The following UNC5A variants were observed in gnomAD, a reference collection of about 807,000 sequenced individuals.
UNC5A encodes the protein unc-5 netrin receptor A, also known as netrin receptor UNC5A.
A neutral mutation model predicts 87.4 loss-of-function variants in UNC5A; 20 were observed. The ratio of observed to expected loss-of-function variants is 0.23; its 90% CI spans 0.16 to 0.33. The LOEUF (loss-of-function observed/expected upper bound fraction) is 0.33, where lower values mean the gene tolerates loss of function less well. Ranked by LOEUF, UNC5A falls within the 10% of genes least tolerant of loss-of-function variation. The probability of loss-of-function intolerance (pLI) is 1.00; values close to 1 mark genes in which losing one functional copy is unlikely to be tolerated. For missense variants in UNC5A, 844 were observed against 1,133.4 expected (o/e 0.74, Z 3.67); for synonymous variants, 438 against 482.3 (o/e 0.91, Z 1.20).
rs962427624 is a variant in UNC5A, at chr5:176,848,089, G to C, written c.71-14535G>C. ...CCAGCAGCCCCTCCAGGCCCCTACT[G>C]ACCAGCTGACCAGCAGCCCCCACGC... On this transcript the variant is annotated intron_variant, in intron 1 of 14. Transcript: ENST00000329542. This position sits in a 1 kb window ranked among gnomAD's most constrained non-coding sequence, Gnocchi z 5.8. Among the ~76,000 whole-genome samples the C allele has an allele frequency of 9.2e-5, 14 of 152,006 alleles. No homozygotes were observed. Among genetic ancestry groups the C allele is most frequent in the Non-Finnish European group, 2.1e-4 (14 of 67,972 alleles).
In UNC5A at chr5:176,878,092, G is replaced by A. The variant is rs1758310129; in HGVS notation, c.1834G>A (p.Val612Ile). 1.2e-6 allele frequency: 2 copies of A among 1,609,602 alleles called. No individual in the cohort carries two copies. The highest frequency in any genetic ancestry group is 1.7e-6 in the Non-Finnish European group (2 of 1,179,926). Reference protein sequence around the residue: ...ACTSLEYNIRVYCLHDTHDAL... With the variant: ...ACTSLEYNIRIYCLHDTHDAL... ...CACCTCCCTCGAGTACAACATCCGG[G>A]TCTACTGCCTGCATGACACCCACGA... is the stretch of plus-strand genomic sequence containing the variant. Residue 612 changes from valine (V) to isoleucine (I), a missense_variant, in exon 11 of 15, where the codon GTC becomes ATC. This residue lies in a region of UNC5A where 353 missense variants were observed against 387.5 expected (regional missense o/e 0.91). Coordinates refer to ENST00000329542, the MANE Select transcript of UNC5A (RefSeq NM_133369.3).
intron 1 of UNC5A, among the ~76,000 whole-genome samples, chr5:176,834,700 T>TCTCTCTCTCTCTCTCTCTCTCTCTCC (rs1757108845): frequency 6.6e-6 from 1 of 150,676 alleles, no homozygotes; most frequent in African/African-American, 2.5e-5. Flanking sequence ...TCTCTCTCTC[T>TCTCTCTCTCTCTCTCTCTCTCTCTCC]CTCTGTCTCT....
At chr5:176,834,924 G>C (rs944113699) in intron 1 of UNC5A, among the ~76,000 whole-genome samples, 1 of 152,206 alleles carries the variant, frequency 6.6e-6, no homozygotes, top group Non-Finnish European at 1.5e-5. Context: ...GGCTCCTGCA[G>C]GGACCAGCCT....
chr5:176,818,544 G>A (rs1210166376), intron 1 of UNC5A, among the ~76,000 whole-genome samples: 3 of 152,200 alleles, frequency 2.0e-5, no homozygotes, highest in Non-Finnish European at 4.4e-5. Context: ...CCTACAGGTG[G>A]GTGAGGTTAG....
At chr5:176,872,211 A>C (rs1265922405) in intron 6 of UNC5A, among the ~76,000 whole-genome samples, 5 of 31,220 alleles carry the variant, frequency 1.6e-4, no homozygotes, top group Admixed American at 8.2e-4. Context: ...GCCCACACTC[A>C]CCAACACCAC....
chr5:176,848,716 G>A lies in UNC5A; in HGVS notation c.71-13908G>A, dbSNP rs58900078. On this transcript the variant is annotated intron_variant, in intron 1 of 14. Coordinates refer to ENST00000329542, the MANE Select transcript of UNC5A (RefSeq NM_133369.3). The surrounding 1 kb of genome is among the most constrained non-coding windows in gnomAD (Gnocchi z 5.8). ...TGGAGTCCCCCACCTGGACTCGCCT[G>A]TGCCGCTGGTTGCAGGAGGCTTCAG... Among the ~76,000 whole-genome samples, 11,184 of 152,208 alleles carry A rather than the reference G, an allele frequency of 0.073. 996 individuals carry two copies. The highest frequency in any genetic ancestry group is 0.21 in the African/African-American group (8,807 of 41,488).
intron 1 of UNC5A, among the ~76,000 whole-genome samples, chr5:176,822,146 A>G (rs1429276545): frequency 1.3e-5 from 2 of 152,270 alleles, no homozygotes; most frequent in Non-Finnish European, 1.5e-5. Context: ...GCAAGGATTA[A>G]ACGAGTCATT....
chr5:176,863,089 G>C (rs1191373444), intron 2 of UNC5A, among the ~76,000 whole-genome samples: 1 of 152,260 alleles, frequency 6.6e-6, no homozygotes, highest in African/African-American at 2.4e-5. Flanking sequence ...CGATCAGTCA[G>C]GCATTCACTC....
chr5:176,821,217 G>A (rs1016114830), intron 1 of UNC5A, among the ~76,000 whole-genome samples: 5 of 152,202 alleles, frequency 3.3e-5, no homozygotes, highest in East Asian at 3.8e-4. Context: ...GCTTCCGAGC[G>A]TGGTTCCTCC....
At chr5:176,820,525 C>T (rs536614920) in intron 1 of UNC5A, among the ~76,000 whole-genome samples, 48 of 152,330 alleles carry the variant, frequency 3.2e-4, no homozygotes, top group African/African-American at 1.0e-3. Flanking sequence ...ATATGTTATC[C>T]GGTGCCTGGC....
intron 1 of UNC5A, among the ~76,000 whole-genome samples, chr5:176,830,070 T>G (rs1420322799): frequency 6.6e-6 from 1 of 152,102 alleles, no homozygotes; most frequent in Non-Finnish European, 1.5e-5. Flanking sequence ...AGATGGGGTT[T>G]TGCCATGTTG....
Position 176,865,996 on chromosome 5 carries a change from G to A in UNC5A, c.293-2134G>A, listed in dbSNP as rs1211197680. Among the ~76,000 whole-genome samples, 1 of 152,228 alleles carries A rather than the reference G, an allele frequency of 6.6e-6. No homozygotes were observed. The highest frequency in any genetic ancestry group is 1.5e-5 in the Non-Finnish European group (1 of 68,042). On this transcript the variant is annotated intron_variant, in intron 2 of 14. Transcript: ENST00000329542. The surrounding 1 kb of genome is among the most constrained non-coding windows in gnomAD (Gnocchi z 5.3). ...TGTTAAACAAACTGATTGGTTATTAGATTGTTTAGAAGCAGATTGCTGAGA... is the reference window on the plus strand; with the variant it reads ...TGTTAAACAAACTGATTGGTTATTAAATTGTTTAGAAGCAGATTGCTGAGA...
intron 1 of UNC5A, among the ~76,000 whole-genome samples, chr5:176,860,990 G>C (rs968204726): frequency 6.6e-6 from 1 of 152,112 alleles, no homozygotes; most frequent in East Asian, 1.9e-4. Context: ...CAAACTGTCC[G>C]GCTATGTCCC....
At chr5:176,847,679 A>G (rs1757445116) in intron 1 of UNC5A, among the ~76,000 whole-genome samples, 1 of 151,896 alleles carries the variant, frequency 6.6e-6, no homozygotes, top group Non-Finnish European at 1.5e-5. Context: ...CGATAGCCAT[A>G]AATACCCACA....
chr5:176,811,615 G>A (rs1002201526), intron 1 of UNC5A, among the ~76,000 whole-genome samples: 3 of 152,212 alleles, frequency 2.0e-5, no homozygotes, highest in Non-Finnish European at 2.9e-5. Context: ...GAGGGGCTTG[G>A]GGGGAGGAAG....
chr5:176,842,928 G>A (rs1347662986), intron 1 of UNC5A, among the ~76,000 whole-genome samples: 3 of 152,134 alleles, frequency 2.0e-5, no homozygotes, highest in African/African-American at 2.4e-5. Flanking sequence ...TTGGGAGGCC[G>A]AGGTGGGTGG....
At chr5:176,818,095 C>A (rs912268486) in intron 1 of UNC5A, among the ~76,000 whole-genome samples, 7 of 152,338 alleles carry the variant, frequency 4.6e-5, no homozygotes, top group African/African-American at 1.7e-4. Flanking sequence ...TGCTGTAGCC[C>A]AGCTGCAGCC....
chr5:176,846,183 G>T (rs1382663790), intron 1 of UNC5A, among the ~76,000 whole-genome samples: 1 of 152,128 alleles, frequency 6.6e-6, no homozygotes, highest in African/African-American at 2.4e-5. Flanking sequence ...GTCCTCACTG[G>T]AGCCTGGCAC....
At chr5:176,818,818 A>G (rs965168448) in intron 1 of UNC5A, among the ~76,000 whole-genome samples, 3 of 152,112 alleles carry the variant, frequency 2.0e-5, no homozygotes, top group African/African-American at 7.2e-5. Context: ...CCCCATCCCC[A>G]TGCTGCCTCC....
Sources: allele counts gnomAD v4.1 joint callset (sites outside exome capture counted in the v4.1 genomes callset), GRCh38; gene constraint gnomAD v4.1.1; regional missense constraint gnomAD v4.1.1; non-coding constraint Gnocchi (gnomAD v3.1); transcripts MANE v1.5; gene names NCBI Gene and HGNC (gene_info 2026-07-23, HGNC 2026-07-21).